The following ANK2 variants were observed in gnomAD, a reference collection of about 807,000 sequenced individuals.
The protein encoded by ANK2 is ankyrin-2.
A neutral mutation model predicts 360.5 loss-of-function variants in ANK2; 83 were observed. The ratio of observed to expected loss-of-function variants is 0.23; its 90% CI spans 0.19 to 0.28. ANK2 has a LOEUF of 0.28. Ranked by LOEUF, ANK2 falls within the 10% of genes least tolerant of loss-of-function variation. ANK2 has a pLI of 1.00. For missense variants in ANK2, 4,201 were observed against 4,795.7 expected (o/e 0.88, Z 3.66); for synonymous variants, 1,740 against 1,759.5 (o/e 0.99, Z 0.28).
intron 2 of ANK2, among the ~76,000 whole-genome samples, chr4:112,967,574 A>G (rs926802619): frequency 6.6e-6 from 1 of 152,254 alleles, no homozygotes; most frequent in Admixed American, 6.5e-5. Context: ...GAAATGATGT[A>G]TACTTTTCCA....
intron 24 of ANK2, among the ~76,000 whole-genome samples, chr4:113,312,145 T>A (rs889532355): frequency 6.8e-6 from 1 of 146,936 alleles, no homozygotes; most frequent in Non-Finnish European, 1.5e-5. Context: ...AATATGGATG[T>A]CATAGCTGGG....
At chr4:112,972,910 C>A (rs559930015) in intron 2 of ANK2, among the ~76,000 whole-genome samples, 10 of 152,148 alleles carry the variant, frequency 6.6e-5, no homozygotes, top group African/African-American at 2.4e-4. Flanking sequence ...TAAGTGAAGC[C>A]ATTCAGGAAT....
the ANK2 span, among the ~76,000 whole-genome samples, chr4:112,706,281 G>C: frequency 6.6e-6 from 1 of 152,138 alleles, no homozygotes; most frequent in African/African-American, 2.4e-5. Context: ...CCAAGGGCGG[G>C]GACCTCAACC....
At chr4:112,886,532 C>T (rs953597231) in intron 1 of ANK2, among the ~76,000 whole-genome samples, 16 of 152,082 alleles carry the variant, frequency 1.1e-4, no homozygotes, top group South Asian at 4.2e-4. Flanking sequence ...TGTGGTGGCG[C>T]GCGCCTGTAA....
upstream of ANK2, among the ~76,000 whole-genome samples, chr4:113,048,388 G>C (rs1340198987): frequency 7.8e-6 from 1 of 128,286 alleles, no homozygotes; most frequent in Non-Finnish European, 1.6e-5. Flanking sequence ...CGCCTCCCGA[G>C]TTCAAGCAAT....
intron 1 of ANK2, among the ~76,000 whole-genome samples, chr4:113,145,176 T>C (rs925848191): frequency 2.0e-5 from 3 of 152,194 alleles, no homozygotes; most frequent in African/African-American, 7.2e-5. Context: ...CCAAAACTTC[T>C]ATACCAGTGT....
chr4:112,927,791 T>G (rs1319377899), intron 2 of ANK2, among the ~76,000 whole-genome samples: 1 of 152,234 alleles, frequency 6.6e-6, no homozygotes, highest in African/African-American at 2.4e-5. Flanking sequence ...CAAAGTGATA[T>G]GTAACTTGTA....
At chr4:113,086,222 A>G (rs893169421) in intron 1 of ANK2, among the ~76,000 whole-genome samples, 31 of 152,206 alleles carry the variant, frequency 2.0e-4, no homozygotes, top group Non-Finnish European at 4.3e-4. Context: ...TGCCTTTTAA[A>G]TGTAACTGTC....
chr4:113,201,751 T>G (rs1000209290), intron 4 of ANK2, among the ~76,000 whole-genome samples: 1 of 152,358 alleles, frequency 6.6e-6, no homozygotes, highest in East Asian at 1.9e-4. Context: ...CAGTAGTTAT[T>G]GGAAATGTAT....
chr4:112,878,155 C>CTATCTATCTATCTATCT (rs1553962685), intron 1 of ANK2, among the ~76,000 whole-genome samples: 1 of 147,532 alleles, frequency 6.8e-6, no homozygotes, highest in Non-Finnish European at 1.5e-5. Flanking sequence ...ACTTTAGACT[C>CTATCTATCTATCTATCT]ATCTATCTAT....
At chr4:112,710,919 A>ATATG in the ANK2 span, among the ~76,000 whole-genome samples, 2 of 139,442 alleles carry the variant, frequency 1.4e-5, no homozygotes, top group Non-Finnish European at 3.1e-5. Context: ...ATATATATAT[A>ATATG]TATATGTATA....
intron 1 of ANK2, among the ~76,000 whole-genome samples, chr4:113,068,986 CT>C (rs1025243403): frequency 6.6e-6 from 1 of 151,960 alleles, no homozygotes; most frequent in Non-Finnish European, 1.5e-5. Context: ...TTGCTTGAGC[CT>C]GGGAGGTTGA....
upstream of ANK2, among the ~76,000 whole-genome samples, chr4:113,048,278 T>A (rs9991249): frequency 2.8e-3 from 100 of 35,506 alleles, no homozygotes; most frequent in African/African-American, 5.0e-3. Context: ...ATATATATAT[T>A]TTTTTTTTTT....
At chr4:113,093,360 TTTTATTTA>T (rs772081186) in intron 1 of ANK2, among the ~76,000 whole-genome samples, 1 of 152,120 alleles carries the variant, frequency 6.6e-6, no homozygotes, top group Non-Finnish European at 1.5e-5. Context: ...TTTATATTTA[TTTTATTTA>T]TTTATTTATT....
chr4:112,765,544 T>G, the ANK2 span, among the ~76,000 whole-genome samples: 2 of 152,218 alleles, frequency 1.3e-5, no homozygotes, highest in Non-Finnish European at 2.9e-5. Context: ...ATGTGATATT[T>G]TATAAGATTT....
intron 2 of ANK2, among the ~76,000 whole-genome samples, chr4:112,905,575 A>T (rs1225630014): frequency 2.6e-5 from 4 of 152,218 alleles, no homozygotes; most frequent in Non-Finnish European, 4.4e-5. Flanking sequence ...CTTCATGGCT[A>T]TTCTTTTGAG....
chr4:113,373,031 A>T (rs529377711), intron 43 of ANK2, 59 bp from the exon 44 acceptor site: 1 of 1,328,382 alleles, frequency 7.5e-7, no homozygotes, highest in African/African-American at 1.4e-5. Context: ...AGCACTTGGG[A>T]GTAGTTCCTC....
Position 112,949,641 on chromosome 4 carries a change from A to G in ANK2, c.21+45127A>G, listed in dbSNP as rs548287436. Among the ~76,000 whole-genome samples the G allele has an allele frequency of 2.6e-4, 39 of 152,328 alleles. No homozygotes were observed. The South Asian group carries it at 7.9e-3, about 31-fold the overall frequency. On this transcript the variant is annotated intron_variant, in intron 2 of 30. Transcript: ENST00000503271. ...TTTAGAACAAAAATAATTGATCTCT[A>G]TTTGGGTACCACACACAAAAATAAA...
At chr4:113,103,759 A>G (rs1414477057) in intron 1 of ANK2, among the ~76,000 whole-genome samples, 1 of 152,220 alleles carries the variant, frequency 6.6e-6, no homozygotes, top group Non-Finnish European at 1.5e-5. Flanking sequence ...TGTAAAGCTG[A>G]TAGAGTATAC....
Sources: allele counts gnomAD v4.1 joint callset (sites outside exome capture counted in the v4.1 genomes callset), GRCh38; gene constraint gnomAD v4.1.1; transcripts MANE v1.5; gene names NCBI Gene and HGNC (gene_info 2026-07-23, HGNC 2026-07-21).